Variants in UBQLN1 observed in about 807,000 individuals in gnomAD.
UBQLN1 encodes the protein ubiquilin-1.
A neutral mutation model predicts 65.4 loss-of-function variants in UBQLN1; 13 were observed. That is an observed-to-expected ratio of 0.20 (90% confidence interval 0.13 to 0.32). The LOEUF is 0.32. Ranked by LOEUF, UBQLN1 falls within the 10% of genes least tolerant of loss-of-function variation. The pLI, the probability that UBQLN1 is intolerant of heterozygous loss-of-function variation, is 1.00. For synonymous variants in UBQLN1, 267 were observed against 247.8 expected, an observed-to-expected ratio of 1.08 and a Z score of -0.73; for missense variants, 561 against 724.0, an observed-to-expected ratio of 0.77 and a Z score of 2.58.
chr9:83,689,662 G>A (rs908421235), intron 1 of UBQLN1, among the ~76,000 whole-genome samples: 17 of 152,152 alleles, frequency 1.1e-4, no homozygotes, highest in African/African-American at 3.9e-4. Flanking sequence ...TTGATCAATT[G>A]GAAAAGATGA....
intron 1 of UBQLN1, among the ~76,000 whole-genome samples, chr9:83,690,430 T>C (rs892665157): frequency 1.3e-5 from 2 of 152,200 alleles, no homozygotes; most frequent in African/African-American, 2.4e-5. Flanking sequence ...TACCTTAAGT[T>C]TGCAAGTGAC....
chr9:83,694,435 G>C (rs1239034983), intron 1 of UBQLN1, among the ~76,000 whole-genome samples: 1 of 152,076 alleles, frequency 6.6e-6, no homozygotes, highest in Admixed American at 6.5e-5. Context: ...CATTCTCCAA[G>C]AGTCTGATGT....
intron 7 of UBQLN1, chr9:83,668,184 T>A: frequency 2.0e-6 from 2 of 985,386 alleles, no homozygotes; most frequent in South Asian, 9.4e-5. Flanking sequence ...AAAATTCTTC[T>A]TAAAATTTGT....
intron 1 of UBQLN1, among the ~76,000 whole-genome samples, chr9:83,706,559 C>A (rs1022813323): frequency 1.3e-5 from 2 of 152,198 alleles, no homozygotes; most frequent in African/African-American, 4.8e-5. Flanking sequence ...TGTTTCCTGT[C>A]ACCAACTGTT....
In UBQLN1 at chr9:83,666,609, AC is replaced by A. The variant is rs368067353; in HGVS notation, c.1249-177del. The A allele has an allele frequency of 9.8e-4, 509 of 518,636 alleles. 2 individuals are homozygous for A. The highest frequency in any genetic ancestry group is 8.2e-3 in the African/African-American group (435 of 53,046). The allele number at this position is 518,636 out of a possible 1,614,324, so 32.1% of individuals were successfully genotyped here. On this transcript the variant is annotated intron_variant, in intron 7 of 10. Coordinates refer to ENST00000376395, the MANE Select transcript of UBQLN1 (RefSeq NM_013438.5). ...GTCCACAAGAGGGATCTCCAGAAGA[AC>A]AAAAACAAAAAAATGAGGCATATTC...
chr9:83,686,278 A>C (rs945789408), intron 1 of UBQLN1, 123 bp from the exon 2 acceptor site: 2 of 637,306 alleles, frequency 3.1e-6, no homozygotes, highest in Non-Finnish European at 4.8e-6. Flanking sequence ...CATAATCCCA[A>C]TGTTCCAGGA....
At chr9:83,694,833 G>A (rs1304874479) in intron 1 of UBQLN1, among the ~76,000 whole-genome samples, 1 of 152,182 alleles carries the variant, frequency 6.6e-6, no homozygotes. Flanking sequence ...ACAATGTACT[G>A]AAGCAGGTAT....
intron 10 of UBQLN1, 58 bp from the exon 11 acceptor site, chr9:83,661,997 T>A: frequency 6.5e-7 from 1 of 1,528,776 alleles, no homozygotes; most frequent in Non-Finnish European, 8.8e-7. Context: ...CTGCCACACA[T>A]GACTTTTAAA....
intron 6 of UBQLN1, among the ~76,000 whole-genome samples, chr9:83,669,854 G>A (rs945610396): frequency 6.6e-6 from 1 of 152,088 alleles, no homozygotes; most frequent in African/African-American, 2.4e-5. Flanking sequence ...AAACCATAGA[G>A]CACAGTGACT....
intron 1 of UBQLN1, among the ~76,000 whole-genome samples, chr9:83,691,669 A>G (rs1832131357): frequency 6.6e-6 from 1 of 152,238 alleles, no homozygotes; most frequent in African/African-American, 2.4e-5. Context: ...TCCTTACAAC[A>G]AAACCTCAAG....
At chr9:83,668,123 T>TAAATC in intron 7 of UBQLN1, 1 of 985,414 alleles carries the variant, frequency 1.0e-6, no homozygotes, top group South Asian at 4.7e-5. Context: ...TTCATATGCA[T>TAAATC]AAATCAATCT....
Position 83,663,913 on chromosome 9 carries a change from G to A in UBQLN1, c.1579C>T (p.Gln527Ter). 6.2e-7 allele frequency: 1 copy of A among 1,614,116 alleles called. No individual in the cohort carries two copies. Among genetic ancestry groups the A allele is most frequent in the South Asian group, 1.1e-5 (1 of 91,082 alleles). The stretch of plus-strand genomic sequence containing the variant: ...CCAGCAAGAGCCTGCAGCATCTGCT[G>A]AATAAACTGCTGATGTCCAGGTTCA... ...TTEPGHQQFI[Q>*]QMLQALAGVN... Residue 527 changes from glutamine (Q) to a stop codon, truncating the protein, a stop_gained, in exon 10 of 11, where the codon CAG becomes TAG. Transcript: ENST00000376395. LOFTEE classifies it high-confidence loss of function.
intron 1 of UBQLN1, among the ~76,000 whole-genome samples, chr9:83,691,906 C>G (rs1320353225): frequency 6.6e-6 from 1 of 152,222 alleles, no homozygotes; most frequent in Non-Finnish European, 1.5e-5. Context: ...TAGGGAACTA[C>G]AGACAACTGC....
chr9:83,663,974 T>C lies in UBQLN1; in HGVS notation c.1518A>G (p.Thr506=), dbSNP rs749120170. ...GSSGTNGSNA[T]PSENTSPTAG... is the part of the protein sequence containing the mutation. ...CTGTGGGACTTGTGTTTTCACTAGG[T>C]GTGGCGTTAGATCCATTAGTTCCCG... Residue 506 remains threonine (T), a synonymous_variant, in exon 10 of 11, where the codon ACA becomes ACG. Coordinates refer to ENST00000376395, the MANE Select transcript of UBQLN1 (RefSeq NM_013438.5). 49 of 1,614,040 alleles carry C rather than the reference T, an allele frequency of 3.0e-5. No individual in the cohort carries two copies. In the Admixed American group the frequency reaches 7.8e-4, roughly 26 times the overall value.
intron 7 of UBQLN1, chr9:83,668,198 T>G: frequency 4.1e-6 from 4 of 985,282 alleles, no homozygotes; most frequent in Non-Finnish European, 4.8e-6. Flanking sequence ...AATTTGTTAT[T>G]TCCAATTCCA....
chr9:83,664,082 C>T lies in UBQLN1; in HGVS notation c.1449-39G>A, dbSNP rs768237244. ...AAATAGGAAATATCCTAAGGTCCTG[C>T]AAAACCAGAAGCCAGTCCGTAAATC... On this transcript the variant is annotated intron_variant, in intron 9 of 10. Transcript: ENST00000376395. 14 of 1,578,380 alleles carry T rather than the reference C, an allele frequency of 8.9e-6. No homozygotes were observed. In the South Asian group the frequency reaches 1.4e-4, roughly 16 times the overall value.
chr9:83,697,249 T>TTC (rs2131183405), intron 1 of UBQLN1, among the ~76,000 whole-genome samples: 2 of 151,312 alleles, frequency 1.3e-5, no homozygotes, highest in East Asian at 3.9e-4. Context: ...CTTCTGGTTT[T>TTC]TTTTTTTTTT....
chr9:83,661,816 C>T lies in UBQLN1; in HGVS notation c.1741G>A (p.Glu581Lys), dbSNP rs1210145800. Reference sequence around the variant, plus strand: ...GATGGCTGGGAGCCCAGTAACCTTTCAATAGCTGCATTGATATCACCTCCT... The same window carrying T: ...GATGGCTGGGAGCCCAGTAACCTTTTAATAGCTGCATTGATATCACCTCCT... ...ATGGDINAAI[E>K]RLLGSQPS Residue 581 changes from glutamate (E) to lysine (K), a missense_variant, in exon 11 of 11, where the codon GAA (glutamate) becomes AAA (lysine). Coordinates refer to ENST00000376395, the MANE Select transcript of UBQLN1 (RefSeq NM_013438.5). The T allele has an allele frequency of 1.2e-6, 2 of 1,612,602 alleles. No individual in the cohort carries two copies. The highest frequency in any genetic ancestry group is 2.7e-5 in the African/African-American group (2 of 74,854).
chr9:83,689,595 T>C (rs1361919661), intron 1 of UBQLN1, among the ~76,000 whole-genome samples: 3 of 152,194 alleles, frequency 2.0e-5, no homozygotes, highest in Non-Finnish European at 2.9e-5. Flanking sequence ...TCTGACCAAG[T>C]TGTACTCTGT....
Sources: gnomAD v4.1 joint callset for allele counts (sites outside exome capture counted in the v4.1 genomes callset) on GRCh38, gnomAD v4.1.1 for gene constraint, MANE v1.5 for transcripts, NCBI Gene and HGNC (gene_info 2026-07-23, HGNC 2026-07-21) for gene names.